The following CCDC91 variants were observed in gnomAD, a reference collection of about 807,000 sequenced individuals.
CCDC91 encodes coiled-coil domain-containing protein 91.
Under a neutral mutation model 63.2 loss-of-function variants are expected in CCDC91, and 48 were observed. The ratio of observed to expected loss-of-function variants is 0.76; its 90% CI spans 0.60 to 0.97. The LOEUF is 0.97. Ranked by LOEUF, CCDC91 falls within the 50% of genes least tolerant of loss-of-function variation. The pLI is 0.00. For missense variants in CCDC91, 500 were observed against 494.6 expected (o/e 1.01, Z -0.10); for synonymous variants, 167 against 165.8 (o/e 1.01, Z -0.06).
Position 28,290,030 on chromosome 12 carries a change from T to G in CCDC91, c.110-15619T>G, listed in dbSNP as rs1949145620. On this transcript the variant is annotated intron_variant, in intron 3 of 12. Coordinates refer to ENST00000536442, the MANE Select transcript of CCDC91 (RefSeq NM_018318.5). ...CTGTAGTTGTCTTATCAGGTCCATTTGATCCAGTGCTGAGTTTAGGCCCTG... is the reference window on the plus strand; with the variant it reads ...CTGTAGTTGTCTTATCAGGTCCATTGGATCCAGTGCTGAGTTTAGGCCCTG... Among the ~76,000 whole-genome samples the G allele has an allele frequency of 2.6e-5, 4 of 152,120 alleles. No homozygotes were observed. The South Asian group carries it at 8.3e-4, about 32-fold the overall frequency.
In CCDC91 at chr12:28,259,742, T is replaced by C. The variant is rs781424113; in HGVS notation, c.109+300T>C. 2.1e-4 allele frequency among the ~76,000 whole-genome samples: 32 copies of C among 152,036 alleles called. 1 individual carries two copies. The highest frequency in any genetic ancestry group is 8.5e-4 in the Admixed American group (13 of 15,218). ...TTGGAAGGTGAGGTGCCCAATAACT[T>C]TTTTAGGTTGTCCAGTTCATTAAAG... On this transcript the variant is annotated intron_variant, in intron 3 of 12. Transcript: ENST00000536442.
At position 28,280,991 on chromosome 12, in the gene CCDC91, T is replaced by TAAATAAA. The variant is rs1304678227; in HGVS notation, c.109+21552_109+21553insTAAAAAA. On this transcript the variant is annotated intron_variant, in intron 3 of 12. Transcript: ENST00000536442. ...GATTCTGTCTAAAAAAATAAATAAATAAAAAGATATCCTATGCAATATGGC... is the reference window on the plus strand; with the variant it reads ...GATTCTGTCTAAAAAAATAAATAAATAAATAAAAAAAAGATATCCTATGCAATATGGC... Among the ~76,000 whole-genome samples the TAAATAAA allele has an allele frequency of 1.2e-3, 187 of 152,114 alleles. 1 individual carries two copies. The South Asian group carries it at 0.037, about 30-fold the overall frequency.
chr12:28,279,271 AGGATT>A (rs1948442425), intron 3 of CCDC91, among the ~76,000 whole-genome samples: 1 of 151,886 alleles, frequency 6.6e-6, no homozygotes, highest in South Asian at 2.1e-4. Flanking sequence ...TGTGAGCTTT[AGGATT>A]GGGAAACTGT....
rs373139655 is a variant in CCDC91 at position 28,404,343 on chromosome 12, G to A, written c.762+12932G>A. On this transcript the variant is annotated intron_variant, in intron 8 of 12. Coordinates refer to ENST00000536442, the MANE Select transcript of CCDC91 (RefSeq NM_018318.5). ...ATTGATTTTCTAGTTTAATTCCACCGTGGTCTGAAAGCAGACCACATTTTG... is the reference window on the plus strand; with the variant it reads ...ATTGATTTTCTAGTTTAATTCCACCATGGTCTGAAAGCAGACCACATTTTG... Among the ~76,000 whole-genome samples the A allele has an allele frequency of 1.5e-4, 23 of 151,948 alleles. 1 individual carries two copies. Among genetic ancestry groups the A allele is most frequent in the African/African-American group, 5.1e-4 (21 of 41,486 alleles).
At chr12:28,245,093 T>A (rs1348965172) in intron 1 of CCDC91, among the ~76,000 whole-genome samples, 3 of 152,074 alleles carry the variant, frequency 2.0e-5, no homozygotes, top group Non-Finnish European at 4.4e-5. Context: ...TTATCAGTAG[T>A]CCTTTTAGAA....
At chr12:28,326,517 A>G (rs1941018271) in intron 6 of CCDC91, among the ~76,000 whole-genome samples, 1 of 150,010 alleles carries the variant, frequency 6.7e-6, no homozygotes, top group Non-Finnish European at 1.5e-5. Flanking sequence ...GTCATCTAGC[A>G]TTAGGTATAT....
At chr12:28,268,439 A>T (rs1947508834) in intron 3 of CCDC91, among the ~76,000 whole-genome samples, 1 of 152,152 alleles carries the variant, frequency 6.6e-6, no homozygotes, top group South Asian at 2.1e-4. Context: ...AACATGGAAG[A>T]ATCTCATGAC....
intron 1 of CCDC91, among the ~76,000 whole-genome samples, chr12:28,253,491 C>T (rs1271873241): frequency 6.6e-6 from 1 of 152,156 alleles, no homozygotes; most frequent in African/African-American, 2.4e-5. Flanking sequence ...TGGCAGTGGT[C>T]TTAGCATATA....
chr12:28,284,608 G>A (rs188991703), intron 3 of CCDC91, among the ~76,000 whole-genome samples: 8 of 151,614 alleles, frequency 5.3e-5, no homozygotes, highest in East Asian at 1.9e-4. Flanking sequence ...AGCCGAGATC[G>A]CGCCATTGCT....
chr12:28,304,581 G>GT, intron 3 of CCDC91: 1 of 743,524 alleles, frequency 1.3e-6, no homozygotes, highest in Non-Finnish European at 1.9e-6. Flanking sequence ...TGATGTATTT[G>GT]TTATTTTGTT....
chr12:28,326,302 TA>T (rs1159714430), intron 6 of CCDC91, among the ~76,000 whole-genome samples: 2 of 152,232 alleles, frequency 1.3e-5, no homozygotes, highest in East Asian at 1.9e-4. Context: ...CCATTTGGGA[TA>T]TTTTTTATTA....
chr12:28,259,287 G>A (rs1440885113), intron 2 of CCDC91, 77 bp from the exon 3 acceptor site: 3 of 1,038,078 alleles, frequency 2.9e-6, no homozygotes, highest in East Asian at 2.4e-5. Flanking sequence ...TATGCCTATT[G>A]AACTGGAATG....
intron 12 of CCDC91, among the ~76,000 whole-genome samples, chr12:28,519,436 T>C (rs1459944472): frequency 1.3e-5 from 2 of 151,962 alleles, no homozygotes; most frequent in Non-Finnish European, 2.9e-5. Flanking sequence ...CTGTTGACTT[T>C]TGTCAGTTCT....
chr12:28,259,465 G>A (rs7969414), intron 3 of CCDC91, 23 bp downstream of exon 3: 2 of 1,145,022 alleles, frequency 1.7e-6, no homozygotes, highest in Non-Finnish European at 2.5e-6. Context: ...AGGAATTAGG[G>A]TTTTTTTTTT....
chr12:28,464,781 A>C (rs1179476008), intron 11 of CCDC91, among the ~76,000 whole-genome samples: 1 of 152,008 alleles, frequency 6.6e-6, no homozygotes. Context: ...GTGGTGGCTA[A>C]AGGATGAGAC....
In CCDC91 at chr12:28,291,401, G is replaced by A. The variant is rs570195032; in HGVS notation, c.110-14248G>A. ...AGGCATTGTCATGGACAAGAATTGGGCCCTTTCTGTTGACCAGTGCTGGCT... is the reference window on the plus strand; with the variant it reads ...AGGCATTGTCATGGACAAGAATTGGACCCTTTCTGTTGACCAGTGCTGGCT... On this transcript the variant is annotated intron_variant, in intron 3 of 12. Transcript: ENST00000536442. 2.0e-4 allele frequency among the ~76,000 whole-genome samples: 31 copies of A among 152,280 alleles called. No homozygotes were observed. In the South Asian group the frequency reaches 4.6e-3, roughly 22 times the overall value.
chr12:28,510,495 TC>T (rs1001401745), intron 12 of CCDC91, among the ~76,000 whole-genome samples: 35 of 152,028 alleles, frequency 2.3e-4, no homozygotes, highest in African/African-American at 8.4e-4. Context: ...AGACAGGAGT[TC>T]CTTCGTACTC....
intron 1 of CCDC91, among the ~76,000 whole-genome samples, chr12:28,210,469 T>C (rs1274645439): frequency 6.6e-6 from 1 of 152,172 alleles, no homozygotes; most frequent in Non-Finnish European, 1.5e-5. Flanking sequence ...ACAGTTGTTG[T>C]AAGTTTCTAT....
intron 12 of CCDC91, among the ~76,000 whole-genome samples, chr12:28,484,438 A>G (rs540161450): frequency 6.6e-6 from 1 of 152,294 alleles, no homozygotes; most frequent in East Asian, 1.9e-4. Flanking sequence ...ACTTACAAAG[A>G]TAATAGACAG....
Sources: allele counts gnomAD v4.1 joint callset (sites outside exome capture counted in the v4.1 genomes callset), GRCh38; gene constraint gnomAD v4.1.1; transcripts MANE v1.5; gene names NCBI Gene and HGNC (gene_info 2026-07-23, HGNC 2026-07-21).